Variants in NWD2 observed in about 807,000 individuals in gnomAD.
The protein encoded by NWD2 is NACHT and WD repeat domain containing 2.
NWD2 carries 37 observed loss-of-function variants against 132.7 expected under a neutral mutation model. The observed-to-expected ratio is 0.28, with a 90% CI of 0.21 to 0.37. The LOEUF is 0.37. Ranked by LOEUF, NWD2 falls within the 10% of genes least tolerant of loss-of-function variation. The probability of loss-of-function intolerance (pLI) is 1.00; values close to 1 mark genes in which losing one functional copy is unlikely to be tolerated. For synonymous variants in NWD2, 705 were observed against 803.0 expected (o/e 0.88, Z 2.06); for missense variants, 1,592 against 2,122.4 (o/e 0.75, Z 4.91).
chr4:37,359,695 T>C (rs2376780), intron 3 of NWD2, among the ~76,000 whole-genome samples: 16,573 of 152,222 alleles, frequency 0.11, 1,220 homozygotes, highest in South Asian at 0.23. Context: ...GCTTTCCTTT[T>C]AAACACCCAG....
intron 1 of NWD2, among the ~76,000 whole-genome samples, chr4:37,306,236 C>T (rs1718705792): frequency 6.6e-6 from 1 of 151,988 alleles, no homozygotes; most frequent in Non-Finnish European, 1.5e-5. Context: ...ATTCTTAGTA[C>T]AGCTAATGGT....
At chr4:37,266,719 T>C (rs1045552804) in intron 1 of NWD2, among the ~76,000 whole-genome samples, 4 of 152,064 alleles carry the variant, frequency 2.6e-5, no homozygotes, top group African/African-American at 7.2e-5. Context: ...TCTTAACTTA[T>C]ATCATTAATT....
intron 1 of NWD2, among the ~76,000 whole-genome samples, chr4:37,312,303 C>G (rs1718862970): frequency 6.6e-6 from 1 of 150,462 alleles, no homozygotes; most frequent in Non-Finnish European, 1.5e-5. Context: ...CTTTTATTTC[C>G]TTGAGCAGTG....
chr4:37,286,217 A>T (rs1056445319), intron 1 of NWD2, among the ~76,000 whole-genome samples: 9 of 152,374 alleles, frequency 5.9e-5, no homozygotes, highest in African/African-American at 1.9e-4. Flanking sequence ...AACTAGGATC[A>T]GCTTTAGAGA....
At chr4:37,415,801 T>TCATAAGC (rs1711580248) in intron 3 of NWD2, among the ~76,000 whole-genome samples, 1 of 151,916 alleles carries the variant, frequency 6.6e-6, no homozygotes, top group African/African-American at 2.4e-5. Context: ...AGAGAACACT[T>TCATAAGC]CATAAGCCCA....
At chr4:37,377,227 A>G (rs1238435668) in intron 3 of NWD2, among the ~76,000 whole-genome samples, 1 of 152,252 alleles carries the variant, frequency 6.6e-6, no homozygotes, top group Non-Finnish European at 1.5e-5. Context: ...GCAAAAATGT[A>G]GCAACCCCAC....
intron 2 of NWD2, among the ~76,000 whole-genome samples, chr4:37,333,892 CA>C (rs1196742167): frequency 6.6e-6 from 1 of 151,872 alleles, no homozygotes; most frequent in African/African-American, 2.4e-5. Context: ...TTGAAAAAAG[CA>C]GAAATTCTGG....
At chr4:37,435,421 C>G (rs1241434751) in intron 5 of NWD2, among the ~76,000 whole-genome samples, 1 of 152,144 alleles carries the variant, frequency 6.6e-6, no homozygotes. Flanking sequence ...TTAAAGTCTT[C>G]CTGAAAATAC....
At chr4:37,270,323 A>G (rs768572457) in intron 1 of NWD2, among the ~76,000 whole-genome samples, 4 of 151,990 alleles carry the variant, frequency 2.6e-5, no homozygotes, top group Non-Finnish European at 5.9e-5. Flanking sequence ...ATGAATAACT[A>G]TATCCCATTT....
At chr4:37,418,642 AT>A (rs146887576) in intron 3 of NWD2, among the ~76,000 whole-genome samples, 27,319 of 146,706 alleles carry the variant, frequency 0.19, 2,762 homozygotes, top group South Asian at 0.24. Flanking sequence ...AAAAAAAAAA[AT>A]ATATATATAT....
intron 1 of NWD2, among the ~76,000 whole-genome samples, chr4:37,284,293 A>T (rs1577655164): frequency 6.6e-6 from 1 of 152,234 alleles, no homozygotes; most frequent in Non-Finnish European, 1.5e-5. Context: ...CCAATCCAGG[A>T]TAACTCTACT....
intron 1 of NWD2, among the ~76,000 whole-genome samples, chr4:37,279,407 C>A (rs1228120358): frequency 6.6e-6 from 1 of 152,086 alleles, no homozygotes; most frequent in African/African-American, 2.4e-5. Context: ...ATAGTGAAAT[C>A]TCCAGAAATC....
chr4:37,363,909 G>T (rs1577680114), intron 3 of NWD2, among the ~76,000 whole-genome samples: 1 of 151,974 alleles, frequency 6.6e-6, no homozygotes, highest in South Asian at 2.1e-4. Context: ...GGATCATGAG[G>T]TCAGGAGTTC....
chr4:37,413,405 T>G (rs1409431026), intron 3 of NWD2, among the ~76,000 whole-genome samples: 1 of 152,156 alleles, frequency 6.6e-6, no homozygotes, highest in African/African-American at 2.4e-5. Context: ...GAAATGCAAA[T>G]TAAAACCACA....
intron 3 of NWD2, among the ~76,000 whole-genome samples, chr4:37,418,937 T>G (rs79644555): frequency 6.8e-6 from 1 of 146,872 alleles, no homozygotes; most frequent in Non-Finnish European, 1.5e-5. Context: ...GATGATGAGC[T>G]TTTTTTTTTA....
intron 6 of NWD2, among the ~76,000 whole-genome samples, chr4:37,442,967 A>G (rs1712525040): frequency 1.3e-5 from 2 of 151,910 alleles, no homozygotes; most frequent in South Asian, 4.2e-4. Flanking sequence ...CATACTAGAT[A>G]TTTGTATTTA....
chr4:37,416,079 T>C (rs867624913), intron 3 of NWD2, among the ~76,000 whole-genome samples: 9 of 152,164 alleles, frequency 5.9e-5, no homozygotes, highest in African/African-American at 1.9e-4. Context: ...ACAGGCAGCA[T>C]TGAAAGAAAC....
chr4:37,269,146 G>T (rs934765331), intron 1 of NWD2, among the ~76,000 whole-genome samples: 2 of 151,704 alleles, frequency 1.3e-5, no homozygotes, highest in Non-Finnish European at 2.9e-5. Flanking sequence ...AGCCTGTTTT[G>T]TTTACATTAA....
intron 1 of NWD2, among the ~76,000 whole-genome samples, chr4:37,288,663 A>C (rs1410110708): frequency 1.3e-5 from 2 of 152,256 alleles, no homozygotes; most frequent in Non-Finnish European, 2.9e-5. Context: ...TTCAGGCTTC[A>C]GAATCTCTTC....
Sources: gnomAD v4.1 joint callset for allele counts (sites outside exome capture counted in the v4.1 genomes callset) on GRCh38, gnomAD v4.1.1 for gene constraint, MANE v1.5 for transcripts, NCBI Gene and HGNC (gene_info 2026-07-23, HGNC 2026-07-21) for gene names.